LEKR1: variants seen among roughly 807,000 people sequenced by gnomAD.
The protein encoded by LEKR1 is protein LEKR1.
LEKR1 carries 59 observed loss-of-function variants against 72.4 expected under a neutral mutation model. The ratio of observed to expected loss-of-function variants is 0.82; its 90% CI spans 0.66 to 1.01. The LOEUF (loss-of-function observed/expected upper bound fraction) is 1.01. LEKR1 is among the 50% of genes least tolerant of loss of function. The pLI, the probability that LEKR1 is intolerant of heterozygous loss-of-function variation, is 0.00. For missense variants in LEKR1, 728 were observed against 759.2 expected (o/e 0.96, Z 0.48); for synonymous variants, 257 against 263.2 (o/e 0.98, Z 0.23).
chr3:156,992,844 T>C (rs982994825), intron 8 of LEKR1, 114 bp downstream of exon 8: 9 of 330,894 alleles, frequency 2.7e-5, no homozygotes, highest in Non-Finnish European at 4.7e-5. Flanking sequence ...ATTGTTTACA[T>C]ATAAAATACC....
chr3:156,926,373 TG>T (rs1233329369), intron 4 of LEKR1, among the ~76,000 whole-genome samples: 1 of 152,054 alleles, frequency 6.6e-6, no homozygotes, highest in African/African-American at 2.4e-5. Flanking sequence ...GTGGCATTAC[TG>T]ATTACCAAAT....
At chr3:156,898,152 A>C (rs894062488) in intron 3 of LEKR1, among the ~76,000 whole-genome samples, 1 of 152,292 alleles carries the variant, frequency 6.6e-6, no homozygotes, top group African/African-American at 2.4e-5. Flanking sequence ...TACAGATGCA[A>C]ATTTTCCCCC....
At chr3:156,974,275 A>G (rs1226796589) in intron 6 of LEKR1, among the ~76,000 whole-genome samples, 1 of 152,176 alleles carries the variant, frequency 6.6e-6, no homozygotes, top group Non-Finnish European at 1.5e-5. Flanking sequence ...TAAGAGTCAA[A>G]ATGAGACTTG....
intron 1 of LEKR1, chr3:156,826,823 G>T (rs958204432): frequency 1.3e-5 from 2 of 155,482 alleles, no homozygotes; most frequent in Non-Finnish European, 2.9e-5. Context: ...TGACCTGCTC[G>T]TTGTGGGTGA....
At chr3:156,904,195 T>C (rs908534335) in intron 3 of LEKR1, among the ~76,000 whole-genome samples, 2 of 152,196 alleles carry the variant, frequency 1.3e-5, no homozygotes, top group African/African-American at 4.8e-5. Flanking sequence ...CACTAAAGAA[T>C]AAATAATGTG....
chr3:156,899,760 A>G (rs1168305916), intron 3 of LEKR1, among the ~76,000 whole-genome samples: 1 of 130,460 alleles, frequency 7.7e-6, no homozygotes, highest in East Asian at 2.4e-4. Flanking sequence ...ATATACACAT[A>G]TACATGCATA....
At chr3:156,858,831 G>T (rs1260927858) in intron 3 of LEKR1, among the ~76,000 whole-genome samples, 2 of 151,750 alleles carry the variant, frequency 1.3e-5, no homozygotes, top group Non-Finnish European at 2.9e-5. Flanking sequence ...ACAGTCTTTG[G>T]CAACAACAAA....
At chr3:156,876,782 C>G (rs1261266397) in intron 3 of LEKR1, among the ~76,000 whole-genome samples, 4 of 152,156 alleles carry the variant, frequency 2.6e-5, no homozygotes, top group Non-Finnish European at 4.4e-5. Flanking sequence ...AACAGTTTGA[C>G]TTCCCCTTTA....
At chr3:157,008,478 G>A (rs1394235907) in intron 9 of LEKR1, among the ~76,000 whole-genome samples, 1 of 152,144 alleles carries the variant, frequency 6.6e-6, no homozygotes, top group Non-Finnish European at 1.5e-5. Flanking sequence ...GTGAACTTCT[G>A]TGTATCAACC....
chr3:156,927,337 T>C (rs1724810559), intron 4 of LEKR1, 92 bp from the exon 5 acceptor site: 7 of 398,910 alleles, frequency 1.8e-5, no homozygotes, highest in South Asian at 1.0e-4. Flanking sequence ...AATTAGACAC[T>C]AGATTATATG....
intron 10 of LEKR1, among the ~76,000 whole-genome samples, chr3:157,021,777 T>C (rs1733854057): frequency 6.6e-6 from 1 of 152,174 alleles, no homozygotes. Context: ...GTTGCTCTTT[T>C]ATTAATAGTG....
chr3:156,913,672 G>A (rs981829459), intron 3 of LEKR1, among the ~76,000 whole-genome samples: 13 of 152,106 alleles, frequency 8.5e-5, no homozygotes, highest in Non-Finnish European at 1.0e-4. Context: ...TGGAATAATG[G>A]CATCATATCC....
chr3:156,898,041 T>G (rs747384646), intron 3 of LEKR1, among the ~76,000 whole-genome samples: 1 of 152,180 alleles, frequency 6.6e-6, no homozygotes, highest in African/African-American at 2.4e-5. Flanking sequence ...TGACAAATGT[T>G]TACTATTCAG....
chr3:156,923,351 C>T (rs1438082248), intron 4 of LEKR1, among the ~76,000 whole-genome samples: 5 of 152,216 alleles, frequency 3.3e-5, no homozygotes, highest in African/African-American at 1.2e-4. Context: ...TGCTCACCTT[C>T]AGCTCACCAG....
intron 3 of LEKR1, among the ~76,000 whole-genome samples, chr3:156,913,073 A>G (rs894607581): frequency 3.3e-5 from 5 of 151,956 alleles, no homozygotes; most frequent in African/African-American, 9.7e-5. Flanking sequence ...TCTACTCACT[A>G]TTTTGACTTT....
chr3:156,849,553 A>T (rs966596720), intron 2 of LEKR1, among the ~76,000 whole-genome samples: 1 of 152,234 alleles, frequency 6.6e-6, no homozygotes, highest in Non-Finnish European at 1.5e-5. Context: ...CTGGTACCAA[A>T]ACAGAGATAT....
At chr3:156,911,347 C>T (rs1011522621) in intron 3 of LEKR1, among the ~76,000 whole-genome samples, 4 of 151,566 alleles carry the variant, frequency 2.6e-5, no homozygotes, top group Admixed American at 6.6e-5. Context: ...CTTTCTAATG[C>T]GGTTATTTGT....
At chr3:156,949,498 C>G (rs576166809) in intron 6 of LEKR1, among the ~76,000 whole-genome samples, 2 of 151,602 alleles carry the variant, frequency 1.3e-5, no homozygotes, top group Admixed American at 1.3e-4. Flanking sequence ...TCTGTGCTCT[C>G]TATTCTGGTC....
intron 3 of LEKR1, among the ~76,000 whole-genome samples, chr3:156,861,702 A>G (rs562287238): frequency 9.5e-4 from 144 of 151,386 alleles, no homozygotes; most frequent in South Asian, 3.7e-3. Flanking sequence ...ATTAAAAAAT[A>G]ATTTTAAATC....
Sources: allele counts gnomAD v4.1 joint callset (sites outside exome capture counted in the v4.1 genomes callset), GRCh38; gene constraint gnomAD v4.1.1; transcripts MANE v1.5; gene names NCBI Gene and HGNC (gene_info 2026-07-23, HGNC 2026-07-21).